Variants in SRRD observed in about 807,000 individuals in gnomAD.
SRRD encodes SRR1-like protein.
Under a neutral mutation model 30.7 loss-of-function variants are expected in SRRD, and 28 were observed. The observed-to-expected ratio is 0.91, with a 90% CI of 0.68 to 1.25. The LOEUF (loss-of-function observed/expected upper bound fraction) is 1.25. Among genes scored for constraint, SRRD ranks in the 50% most tolerant of loss-of-function variants. The probability of loss-of-function intolerance (pLI) is 0.00; values close to 1 mark genes in which losing one functional copy is unlikely to be tolerated. For missense variants in SRRD, 415 were observed against 417.3 expected (o/e 0.99, Z 0.05); for synonymous variants, 161 against 159.6 (o/e 1.01, Z -0.07).
chr22:26,490,935 C>T (rs929226158), intron 5 of SRRD, 90 bp from the exon 6 acceptor site: 2 of 1,195,476 alleles, frequency 1.7e-6, no homozygotes, highest in African/African-American at 3.1e-5. Context: ...TCTTGCCCTT[C>T]TATGTGTCTT....
chr22:26,487,968 T>C, intron 2 of SRRD, 61 bp from the exon 3 acceptor site: 8 of 1,520,310 alleles, frequency 5.3e-6, no homozygotes, highest in Non-Finnish European at 7.0e-6. Flanking sequence ...CTTTTGTGGA[T>C]GATTTGGTTC....
chr22:26,483,877 G>A lies in SRRD; in HGVS notation c.-14G>A, dbSNP rs2091598503. ...CGTGCCGAGTGCGCCGCACGCCGCTGACGTCAGAGACCAATGGCTGCGGCC... is the reference window on the plus strand; with the variant it reads ...CGTGCCGAGTGCGCCGCACGCCGCTAACGTCAGAGACCAATGGCTGCGGCC... On this transcript the variant is annotated 5_prime_UTR_variant, in exon 1 of 7. Coordinates refer to ENST00000215917, the MANE Select transcript of SRRD (RefSeq NM_001013694.3). The A allele has an allele frequency of 2.2e-6, 3 of 1,342,918 alleles. No homozygotes were observed. The highest frequency in any genetic ancestry group is 4.1e-5 in the Admixed American group (1 of 24,500). The allele number at this position is 1,342,918 out of a possible 1,614,324, so 83.2% of individuals were successfully genotyped here. A position where few individuals can be genotyped will look rare whatever the true frequency, so the allele number is the denominator to read the frequency against.
chr22:26,494,580 A>G lies in SRRD; in HGVS notation c.*2908A>G. ...CCTACCCCATAGGGTTGCTGAGAGGAGCTGAGATAAAGCAAATAAAGTGCT... is the reference window on the plus strand; with the variant it reads ...CCTACCCCATAGGGTTGCTGAGAGGGGCTGAGATAAAGCAAATAAAGTGCT... On this transcript the variant is annotated 3_prime_UTR_variant, in exon 7 of 7. Coordinates refer to ENST00000215917, the MANE Select transcript of SRRD (RefSeq NM_001013694.3). 2 of 736,184 alleles carry G rather than the reference A, an allele frequency of 2.7e-6. No individual in the cohort carries two copies. Among genetic ancestry groups the G allele is most frequent in the East Asian group, 2.7e-5 (1 of 37,032 alleles). 45.6% of individuals were successfully genotyped at this position (736,184 alleles called of 1,614,324 possible).
intron 4 of SRRD, among the ~76,000 whole-genome samples, chr22:26,489,759 T>C (rs1457637059): frequency 6.6e-6 from 1 of 152,180 alleles, no homozygotes; most frequent in Non-Finnish European, 1.5e-5. Flanking sequence ...CTTGCCGTCA[T>C]AGACCCAGGA....
chr22:26,491,361 A>T (rs1921150054), intron 6 of SRRD, 102 bp from the exon 7 acceptor site: 5 of 998,944 alleles, frequency 5.0e-6, no homozygotes, highest in African/African-American at 3.3e-5. Flanking sequence ...TTATTTTTTT[A>T]AAAAGTAAAG....
At chr22:26,491,274 C>A in intron 6 of SRRD, 189 bp from the exon 7 acceptor site, 1 of 717,054 alleles carries the variant, frequency 1.4e-6, no homozygotes, top group Non-Finnish European at 2.3e-6. Flanking sequence ...TTCTTAGTAT[C>A]ACAGTCCATG....
chr22:26,486,166 A>G, intron 2 of SRRD, 103 bp downstream of exon 2: 1 of 1,363,196 alleles, frequency 7.3e-7, no homozygotes. Flanking sequence ...GCTGGGTTCT[A>G]ACGCCGCCCG....
intron 5 of SRRD, 29 bp from the exon 6 acceptor site, chr22:26,490,996 T>C (rs1280909618): frequency 6.3e-7 from 1 of 1,597,274 alleles, no homozygotes; most frequent in African/African-American, 1.4e-5. Flanking sequence ...TGTTTTTTTT[T>C]TGTTTTTTTG....
At position 26,491,724 on chromosome 22, in the gene SRRD, C is replaced by T. The variant is rs775633695; in HGVS notation, c.*52C>T. 4 of 1,511,828 alleles carry T rather than the reference C, an allele frequency of 2.6e-6. No individual in the cohort carries two copies. The highest frequency in any genetic ancestry group is 2.7e-6 in the Non-Finnish European group (3 of 1,104,554). The allele number at this position is 1,511,828 out of a possible 1,614,324, so 93.7% of individuals were successfully genotyped here. A position where few individuals can be genotyped will look rare whatever the true frequency, so the allele number is the denominator to read the frequency against. ...CTGAGGTAGAAGCTGCCACCAGAGA[C>T]TAAAGGGAAGGCTGCTATGGAGGAA... On this transcript the variant is annotated 3_prime_UTR_variant, in exon 7 of 7. Coordinates refer to ENST00000215917, the MANE Select transcript of SRRD (RefSeq NM_001013694.3).
Position 26,491,711 on chromosome 22 carries a change from C to G in SRRD, c.*39C>G, listed in dbSNP as rs548387383. 2.7e-4 allele frequency: 418 copies of G among 1,566,332 alleles called. 4 individuals carry two copies. In the South Asian group the frequency reaches 4.5e-3, roughly 17 times the overall value. On this transcript the variant is annotated 3_prime_UTR_variant, in exon 7 of 7. Transcript: ENST00000215917. ...TACTCAGTGTTGGCTGAGGTAGAAG[C>G]TGCCACCAGAGACTAAAGGGAAGGC... is the stretch of plus-strand genomic sequence containing the variant.
intron 2 of SRRD, 183 bp from the exon 3 acceptor site, chr22:26,487,846 T>C: frequency 3.2e-6 from 2 of 626,418 alleles, no homozygotes; most frequent in Admixed American, 6.8e-5. Context: ...TGGTGGTGAA[T>C]GTGACTGTAT....
chr22:26,494,386 G>A lies in SRRD; in HGVS notation c.*2714G>A. 6.5e-7 allele frequency: 1 copy of A among 1,529,490 alleles called. No homozygotes were observed. Among genetic ancestry groups the A allele is most frequent in the Non-Finnish European group, 9.0e-7 (1 of 1,106,476 alleles). The allele number at this position is 1,529,490 out of a possible 1,614,324, so 94.7% of individuals were successfully genotyped here. On this transcript the variant is annotated 3_prime_UTR_variant, in exon 7 of 7. Coordinates refer to ENST00000215917, the MANE Select transcript of SRRD (RefSeq NM_001013694.3). ...CTGAAGTGGCCATTTGTTTTGTTTT[G>A]ATCCTGGTCCTACAGGCTAGTGACA...
Position 26,491,454 on chromosome 22 carries a change from TC to T in SRRD, c.811-8del. 1 of 1,605,446 alleles carries T rather than the reference TC, an allele frequency of 6.2e-7. No homozygotes were observed. The highest frequency in any genetic ancestry group is 8.5e-7 in the Non-Finnish European group (1 of 1,176,060). ...TCTGAAGTTTTTATACTTGAATTTT[TC>T]TGCTCAGATTTTAAAAGGACTGGAG... On this transcript the variant is annotated splice_polypyrimidine_tract_variant and splice_region_variant and intron_variant, in intron 6 of 6. Coordinates refer to ENST00000215917, the MANE Select transcript of SRRD (RefSeq NM_001013694.3).
chr22:26,492,187 C>T lies in SRRD; in HGVS notation c.*515C>T. 6.2e-7 allele frequency: 1 copy of T among 1,614,220 alleles called. No homozygotes were observed. The highest frequency in any genetic ancestry group is 8.5e-7 in the Non-Finnish European group (1 of 1,180,042). ...TGAAGACAATGTTGTGCTCCTCAGCCTTGGTCTCAATGAGGTCCTTAAAGT... is the reference window on the plus strand; with the variant it reads ...TGAAGACAATGTTGTGCTCCTCAGCTTTGGTCTCAATGAGGTCCTTAAAGT... On this transcript the variant is annotated 3_prime_UTR_variant, in exon 7 of 7. Transcript: ENST00000215917.
At chr22:26,484,194 C>G (rs1463448353) in intron 1 of SRRD, 95 bp downstream of exon 1, 2 of 1,254,274 alleles carry the variant, frequency 1.6e-6, no homozygotes, top group South Asian at 1.3e-5. Context: ...TAATGCACAC[C>G]CTTTAAGGAG....
intron 5 of SRRD, chr22:26,490,682 G>A (rs772385039): frequency 2.5e-4 from 60 of 242,338 alleles, no homozygotes; most frequent in Non-Finnish European, 4.0e-4. Flanking sequence ...TCCTACCTCA[G>A]CCTAATGAGT....
chr22:26,492,737 T>C lies in SRRD; in HGVS notation c.*1065T>C. ...CCACCACCAAAGAGGCAGCTTTTAGTACCTTGAAAACATAGGGCCCATACT... is the reference window on the plus strand; with the variant it reads ...CCACCACCAAAGAGGCAGCTTTTAGCACCTTGAAAACATAGGGCCCATACT... On this transcript the variant is annotated 3_prime_UTR_variant, in exon 7 of 7. Coordinates refer to ENST00000215917, the MANE Select transcript of SRRD (RefSeq NM_001013694.3). 4.4e-6 allele frequency: 1 copy of C among 228,810 alleles called. No individual in the cohort carries two copies. The highest frequency in any genetic ancestry group is 8.7e-6 in the Non-Finnish European group (1 of 114,320). 14.2% of individuals were successfully genotyped at this position (228,810 alleles called of 1,614,324 possible).
chr22:26,487,922 C>T (rs2091720140), intron 2 of SRRD, 107 bp from the exon 3 acceptor site: 4 of 1,274,652 alleles, frequency 3.1e-6, no homozygotes, highest in Non-Finnish European at 4.3e-6. Context: ...AAACCTTTTA[C>T]TGCCCTGATC....
rs1018077820 is a variant in SRRD, at chr22:26,493,123, G to A, written c.*1451G>A. On this transcript the variant is annotated 3_prime_UTR_variant, in exon 7 of 7. Coordinates refer to ENST00000215917, the MANE Select transcript of SRRD (RefSeq NM_001013694.3). ...GCTCACTACAACCTCTGCCTCCCAG[G>A]TTTAAGCGATTCTTCTGCCTCAGCC... The A allele has an allele frequency of 5.3e-5, 8 of 151,970 alleles. No individual in the cohort carries two copies. The highest frequency in any genetic ancestry group is 1.9e-4 in the African/African-American group (8 of 41,352). The allele number at this position is 151,970 out of a possible 1,614,324, so 9.4% of individuals were successfully genotyped here. A position where few individuals can be genotyped will look rare whatever the true frequency, so the allele number is the denominator to read the frequency against.
Sources: allele counts gnomAD v4.1 joint callset (sites outside exome capture counted in the v4.1 genomes callset), GRCh38; gene constraint gnomAD v4.1.1; transcripts MANE v1.5; gene names NCBI Gene and HGNC (gene_info 2026-07-23, HGNC 2026-07-21).